The following KCNB2 variants were observed in gnomAD, a reference collection of about 807,000 sequenced individuals.
The protein encoded by KCNB2 is delayed rectifier potassium channel protein.
Under a neutral mutation model 61.5 loss-of-function variants are expected in KCNB2, and 15 were observed. That is an observed-to-expected ratio of 0.24 (90% CI 0.16 to 0.38). The LOEUF (loss-of-function observed/expected upper bound fraction) is 0.38. Among genes scored for constraint, KCNB2 ranks in the 10% least tolerant of loss-of-function variants. The pLI is 1.00. For synonymous variants in KCNB2, 457 were observed against 446.0 expected, an observed-to-expected ratio of 1.02 and a Z score of -0.31; for missense variants, 828 against 1,125.2, an observed-to-expected ratio of 0.74 and a Z score of 3.78.
rs143276649 is a variant in KCNB2, at chr8:72,602,997, A to G, written c.579+34684A>G. Among the ~76,000 whole-genome samples, 84 of 152,026 alleles carry G rather than the reference A, an allele frequency of 5.5e-4. 1 individual carries two copies. Among genetic ancestry groups the G allele is most frequent in the African/African-American group, 1.9e-3 (80 of 41,472 alleles). On this transcript the variant is annotated intron_variant, in intron 2 of 2. Transcript: ENST00000523207. ...ATGCCCGCTGATGTATACAAACCTAATGTACACTTCATTCATCCCTTACTT... is the reference window on the plus strand; with the variant it reads ...ATGCCCGCTGATGTATACAAACCTAGTGTACACTTCATTCATCCCTTACTT...
chr8:72,767,929 T>G (rs756458815), intron 2 of KCNB2, among the ~76,000 whole-genome samples: 1 of 112,916 alleles, frequency 8.9e-6, no homozygotes, highest in Non-Finnish European at 2.1e-5. Context: ...TGCAGAGGTA[T>G]CTCATTGTGA....
intron 2 of KCNB2, among the ~76,000 whole-genome samples, chr8:72,850,190 A>AGTGTGT (rs745821437): frequency 8.2e-4 from 72 of 87,946 alleles, no homozygotes; most frequent in African/African-American, 2.0e-3. Context: ...AGTGTATGTA[A>AGTGTGT]GTGTGTGTGT....
intron 2 of KCNB2, among the ~76,000 whole-genome samples, chr8:72,586,557 T>C (rs1370458371): frequency 6.6e-6 from 1 of 152,248 alleles, no homozygotes; most frequent in African/African-American, 2.4e-5. Context: ...AAGGACATGA[T>C]GTCTGGGAAA....
chr8:72,764,944 C>T lies in KCNB2; in HGVS notation c.580-170991C>T, dbSNP rs376624671. ...ATGACAGGAGTACCCCCGCCCAGCACAGAGTACGAACTGGCTATGACAAAT... is the reference window on the plus strand; with the variant it reads ...ATGACAGGAGTACCCCCGCCCAGCATAGAGTACGAACTGGCTATGACAAAT... On this transcript the variant is annotated intron_variant, in intron 2 of 2. Transcript: ENST00000523207. 1.3e-5 allele frequency among the ~76,000 whole-genome samples: 2 copies of T among 152,150 alleles called. 1 individual carries two copies. The highest frequency in any genetic ancestry group is 3.9e-4 in the East Asian group (2 of 5,188).
At chr8:72,757,517 A>G (rs558274829) in intron 2 of KCNB2, among the ~76,000 whole-genome samples, 1 of 152,098 alleles carries the variant, frequency 6.6e-6, no homozygotes, top group African/African-American at 2.4e-5. Flanking sequence ...CAATAAAGAG[A>G]TTGAAACTCC....
Position 72,937,421 on chromosome 8 carries a change from G to A in KCNB2, c.2066G>A (p.Ser689Asn), listed in dbSNP as rs142592831. The part of the protein sequence containing the change: ...DASGSQCGLH[S>N]PLQSDNATDS... The stretch of plus-strand genomic sequence containing the variant: ...AGTGGCTCCCAGTGTGGGCTACATA[G>A]TCCTTTGCAGTCTGACAATGCCACC... The change falls in exon 3 of 3, where the codon AGT (serine) becomes AAT (asparagine). Residue 689 changes from serine to asparagine, a missense_variant. Transcript: ENST00000523207. The A allele has an allele frequency of 1.2e-5, 19 of 1,613,778 alleles. No individual in the cohort carries two copies. The highest frequency in any genetic ancestry group is 3.3e-4 in the Middle Eastern group (2 of 6,084).
intron 1 of KCNB2, among the ~76,000 whole-genome samples, chr8:72,561,030 A>G (rs1026603024): frequency 6.6e-6 from 1 of 152,068 alleles, no homozygotes; most frequent in Non-Finnish European, 1.5e-5. Context: ...TACATATCCT[A>G]TTTATTACTT....
intron 2 of KCNB2, among the ~76,000 whole-genome samples, chr8:72,684,086 G>T (rs1806808031): frequency 6.6e-6 from 1 of 152,164 alleles, no homozygotes; most frequent in African/African-American, 2.4e-5. Context: ...ATGGTGAGAA[G>T]TGGCCTAAAA....
intron 2 of KCNB2, among the ~76,000 whole-genome samples, chr8:72,595,902 C>T (rs1256417307): frequency 1.3e-5 from 2 of 152,094 alleles, no homozygotes; most frequent in Non-Finnish European, 2.9e-5. Flanking sequence ...GGTACAGTGG[C>T]AGAGTTCACT....
intron 2 of KCNB2, among the ~76,000 whole-genome samples, chr8:72,716,147 C>A (rs1049868214): frequency 1.7e-4 from 26 of 152,062 alleles, no homozygotes; most frequent in East Asian, 7.7e-4. Flanking sequence ...CAATAACAGG[C>A]TCTGAAATTG....
chr8:72,559,920 C>A (rs1000893738), intron 1 of KCNB2, among the ~76,000 whole-genome samples: 3 of 152,108 alleles, frequency 2.0e-5, no homozygotes, highest in Admixed American at 2.0e-4. Context: ...AGTCATGCGA[C>A]CTCAGTTTTA....
chr8:72,744,644 A>G lies in KCNB2; in HGVS notation c.579+176331A>G, dbSNP rs192334404. On this transcript the variant is annotated intron_variant, in intron 2 of 2. Coordinates refer to ENST00000523207, the MANE Select transcript of KCNB2 (RefSeq NM_004770.3). ...TGGGGAGCCTTTCCACTCCCTCTGG[A>G]TACCTCTGGAAGGAAGTAATATTGG... Among the ~76,000 whole-genome samples, 72 of 152,272 alleles carry G rather than the reference A, an allele frequency of 4.7e-4. No individual in the cohort carries two copies. In the East Asian group the frequency reaches 7.9e-3, roughly 17 times the overall value.
In KCNB2 at chr8:72,742,476, A is replaced by G. The variant is rs557563737; in HGVS notation, c.579+174163A>G. ...TGGCTGGTGCAGCCTTGGGATTTCT[A>G]TTTATCACTGGAGACACCTCCCACT... On this transcript the variant is annotated intron_variant, in intron 2 of 2. Coordinates refer to ENST00000523207, the MANE Select transcript of KCNB2 (RefSeq NM_004770.3). 1.7e-4 allele frequency among the ~76,000 whole-genome samples: 26 copies of G among 152,178 alleles called. No homozygotes were observed. In the East Asian group the frequency reaches 4.5e-3, roughly 26 times the overall value.
intron 2 of KCNB2, among the ~76,000 whole-genome samples, chr8:72,863,053 T>G (rs996529411): frequency 5.3e-5 from 8 of 152,252 alleles, no homozygotes; most frequent in African/African-American, 1.9e-4. Flanking sequence ...GTATTCTTTT[T>G]AATTACAATA....
intron 2 of KCNB2, among the ~76,000 whole-genome samples, chr8:72,847,982 TCTC>T (rs1810027610): frequency 6.6e-6 from 1 of 152,058 alleles, no homozygotes; most frequent in Non-Finnish European, 1.5e-5. Context: ...AAACACTCAT[TCTC>T]CTCACAGTAG....
At chr8:72,618,824 C>A in intron 2 of KCNB2, 1 of 232,046 alleles carries the variant, frequency 4.3e-6, no homozygotes, top group South Asian at 6.3e-5. Flanking sequence ...ATGGATTCAG[C>A]ATTAAATCTA....
At chr8:72,825,288 A>G (rs1809579007) in intron 2 of KCNB2, among the ~76,000 whole-genome samples, 1 of 152,186 alleles carries the variant, frequency 6.6e-6, no homozygotes, top group South Asian at 2.1e-4. Context: ...TTGTCTACCC[A>G]TTCTTCCATC....
At chr8:72,666,094 G>T (rs1585816643) in intron 2 of KCNB2, among the ~76,000 whole-genome samples, 1 of 152,208 alleles carries the variant, frequency 6.6e-6, no homozygotes, top group Non-Finnish European at 1.5e-5. Flanking sequence ...GGAAAGATGT[G>T]TTCCTTTTCA....
At chr8:72,715,427 C>G (rs1221218094) in intron 2 of KCNB2, among the ~76,000 whole-genome samples, 1 of 152,138 alleles carries the variant, frequency 6.6e-6, no homozygotes, top group Non-Finnish European at 1.5e-5. Context: ...CACTCCTCAG[C>G]AAATGTAAAA....
Sources: gnomAD v4.1 joint callset for allele counts (sites outside exome capture counted in the v4.1 genomes callset) on GRCh38, gnomAD v4.1.1 for gene constraint, MANE v1.5 for transcripts, NCBI Gene and HGNC (gene_info 2026-07-23, HGNC 2026-07-21) for gene names.